Variants in PKIB observed in about 807,000 individuals in gnomAD.
PKIB encodes the protein cAMP-dependent protein kinase inhibitor beta.
In PKIB, 2 loss-of-function variants were observed where a neutral mutation model predicts 4.5. The ratio of observed to expected loss-of-function variants is 0.44; its 90% CI spans 0.18 to 1.39. PKIB has a LOEUF of 1.39. Among genes scored for constraint, PKIB ranks in the 40% most tolerant of loss-of-function variants. The pLI, the probability that PKIB is intolerant of heterozygous loss-of-function variation, is 0.27. For missense variants in PKIB, 94 were observed against 92.6 expected (o/e 1.02, Z -0.06); for synonymous variants, 38 against 36.0 (o/e 1.06, Z -0.20).
At chr6:122,513,571 C>A (rs1776651692) in intron 2 of PKIB, among the ~76,000 whole-genome samples, 1 of 151,252 alleles carries the variant, frequency 6.6e-6, no homozygotes, top group Non-Finnish European at 1.5e-5. Context: ...GATGTCATCA[C>A]CCAGGTTGTA....
intron 2 of PKIB, among the ~76,000 whole-genome samples, chr6:122,494,703 C>T (rs907373146): frequency 1.3e-5 from 2 of 152,150 alleles, no homozygotes; most frequent in Non-Finnish European, 2.9e-5. Flanking sequence ...TCAAAGGGAT[C>T]GTTTCTGGAT....
intron 2 of PKIB, among the ~76,000 whole-genome samples, chr6:122,537,640 C>T (rs1055866011): frequency 5.4e-4 from 82 of 152,222 alleles, no homozygotes; most frequent in African/African-American, 1.8e-3. Context: ...AATAAACATA[C>T]GTGTGCATGT....
intron 2 of PKIB, among the ~76,000 whole-genome samples, chr6:122,649,716 G>A (rs1776475674): frequency 6.6e-6 from 1 of 152,124 alleles, no homozygotes; most frequent in Admixed American, 6.5e-5. Flanking sequence ...TAGTAACTTG[G>A]TGGCCCATGG....
intron 2 of PKIB, among the ~76,000 whole-genome samples, chr6:122,494,343 A>G (rs1010749687): frequency 2.6e-5 from 4 of 152,308 alleles, no homozygotes; most frequent in Admixed American, 2.6e-4. Flanking sequence ...TTTCTAAAAC[A>G]GTAGGCATTG....
intron 4 of PKIB, among the ~76,000 whole-genome samples, chr6:122,720,761 G>A (rs924436067): frequency 7.9e-5 from 12 of 151,888 alleles, no homozygotes; most frequent in Admixed American, 2.6e-4. Flanking sequence ...GAGTGCAATG[G>A]CGTCATCTTG....
At chr6:122,494,664 G>A (rs1221725647) in intron 2 of PKIB, among the ~76,000 whole-genome samples, 2 of 152,224 alleles carry the variant, frequency 1.3e-5, no homozygotes, top group African/African-American at 4.8e-5. Context: ...ACAGGGTAGA[G>A]AGTAAACACT....
At chr6:122,724,710 G>A (rs1779885939) in intron 4 of PKIB, among the ~76,000 whole-genome samples, 1 of 152,134 alleles carries the variant, frequency 6.6e-6, no homozygotes, top group East Asian at 1.9e-4. Context: ...AAGAGCAAAG[G>A]GAGTAGAAAG....
At chr6:122,548,378 A>T (rs1204952548) in intron 2 of PKIB, among the ~76,000 whole-genome samples, 1 of 152,218 alleles carries the variant, frequency 6.6e-6, no homozygotes, top group Non-Finnish European at 1.5e-5. Context: ...CATTAAAAAA[A>T]ATAAATCTCT....
At position 122,511,207 on chromosome 6, in the gene PKIB, T is replaced by G. The variant is rs545075220; in HGVS notation, c.-248+33268T>G. On this transcript the variant is annotated intron_variant, in intron 2 of 6. Transcript: ENST00000392491. ...TTCCTTTCCTTTTCTATTTGTTTTT[T>G]AAGGTCCTCTTCAACTCTTTCCCAA... Among the ~76,000 whole-genome samples, 9 of 152,304 alleles carry G rather than the reference T, an allele frequency of 5.9e-5. 1 individual carries two copies. In the South Asian group the frequency reaches 1.7e-3, roughly 28 times the overall value.
At chr6:122,702,457 G>A (rs773519225) in intron 3 of PKIB, among the ~76,000 whole-genome samples, 36 of 149,892 alleles carry the variant, frequency 2.4e-4, no homozygotes, top group Non-Finnish European at 4.1e-4. Flanking sequence ...ACGCTCCTTA[G>A]TGTCTGGGAT....
chr6:122,521,161 G>A (rs1307560665), intron 2 of PKIB, among the ~76,000 whole-genome samples: 1 of 152,166 alleles, frequency 6.6e-6, no homozygotes, highest in Non-Finnish European at 1.5e-5. Context: ...CATATGTAAT[G>A]GTTTTGCTGG....
chr6:122,646,566 G>A lies in PKIB; in HGVS notation c.-76+13199G>A, dbSNP rs998813539. On this transcript the variant is annotated intron_variant, in intron 2 of 4. Coordinates refer to ENST00000368452, the MANE Select transcript of PKIB (RefSeq NM_181795.3). Reference sequence around the variant, plus strand: ...ACTTTTAAAAAATCTAAGTTACTATGAAGTTTCAAAGTGCTATCATTGTTT... The same window carrying A: ...ACTTTTAAAAAATCTAAGTTACTATAAAGTTTCAAAGTGCTATCATTGTTT... 2.0e-5 allele frequency among the ~76,000 whole-genome samples: 3 copies of A among 152,128 alleles called. No individual in the cohort carries two copies. The East Asian group carries it at 5.8e-4, about 29-fold the overall frequency.
chr6:122,485,209 TC>T (rs758314741), intron 2 of PKIB, among the ~76,000 whole-genome samples: 19 of 151,394 alleles, frequency 1.3e-4, no homozygotes, highest in South Asian at 4.2e-4. Flanking sequence ...ACAAAAATAT[TC>T]TTTTTTTTTT....
chr6:122,612,124 T>C (rs1774784011), intron 1 of PKIB, among the ~76,000 whole-genome samples: 1 of 152,226 alleles, frequency 6.6e-6, no homozygotes, highest in Non-Finnish European at 1.5e-5. Flanking sequence ...TTTTAGTCGA[T>C]TGCAAACATA....
intron 2 of PKIB, among the ~76,000 whole-genome samples, chr6:122,503,717 T>A (rs1483469685): frequency 1.3e-5 from 2 of 152,188 alleles, no homozygotes; most frequent in Non-Finnish European, 2.9e-5. Flanking sequence ...ATTCCTCTCC[T>A]GTTTCCCAGG....
At chr6:122,713,407 C>G (rs1381813780) in intron 3 of PKIB, among the ~76,000 whole-genome samples, 1 of 152,054 alleles carries the variant, frequency 6.6e-6, no homozygotes, top group Admixed American at 6.6e-5. Context: ...ATGAAAAGAC[C>G]CTCAAGTTAA....
chr6:122,677,567 C>T (rs1031860867), intron 3 of PKIB, among the ~76,000 whole-genome samples: 2 of 152,134 alleles, frequency 1.3e-5, no homozygotes, highest in African/African-American at 2.4e-5. Context: ...GTCTTCTCAC[C>T]CTTGGCTATG....
chr6:122,723,764 G>A (rs924263485), intron 4 of PKIB, among the ~76,000 whole-genome samples: 2 of 152,046 alleles, frequency 1.3e-5, no homozygotes, highest in African/African-American at 2.4e-5. Flanking sequence ...TCTCAGTGAG[G>A]CATTCCCAGC....
chr6:122,572,391 A>G (rs948793829), intron 2 of PKIB, among the ~76,000 whole-genome samples: 1 of 152,140 alleles, frequency 6.6e-6, no homozygotes, highest in Non-Finnish European at 1.5e-5. Flanking sequence ...GGGGTTAATA[A>G]TGAAATTAAG....
Sources: gnomAD v4.1 joint callset for allele counts (sites outside exome capture counted in the v4.1 genomes callset) on GRCh38, gnomAD v4.1.1 for gene constraint, MANE v1.5 for transcripts, NCBI Gene and HGNC (gene_info 2026-07-23, HGNC 2026-07-21) for gene names.